Variants in A4GNT observed in about 807,000 individuals in gnomAD.
A4GNT encodes alpha-1,4-N-acetylglucosaminyltransferase.
A neutral mutation model predicts 8.3 loss-of-function variants in A4GNT; 6 were observed. The ratio of observed to expected loss-of-function variants is 0.72; its 90% CI spans 0.39 to 1.42. The LOEUF is 1.42. Ranked by LOEUF, A4GNT falls within the 40% of genes most tolerant of loss-of-function variation. The pLI is 0.02. For missense variants in A4GNT, 377 were observed against 417.0 expected, an observed-to-expected ratio of 0.90 and a Z score of 0.84; for synonymous variants, 157 against 159.8, an observed-to-expected ratio of 0.98 and a Z score of 0.13.
At chr3:138,125,164 AAAG>A (rs2042738192) in intron 2 of A4GNT, among the ~76,000 whole-genome samples, 1 of 152,244 alleles carries the variant, frequency 6.6e-6, no homozygotes, top group African/African-American at 2.4e-5. Context: ...TTGGAAAGAT[AAAG>A]AAGAAATCCA....
rs1287885622 is a variant in A4GNT, at chr3:138,132,193, C to T, written c.-27+19G>A. The T allele has an allele frequency of 6.6e-6, 1 of 152,198 alleles. No homozygotes were observed. The highest frequency in any genetic ancestry group is 1.9e-4 in the East Asian group (1 of 5,204). The allele number at this position is 152,198 out of a possible 1,614,324, so 9.4% of individuals were successfully genotyped here. A position where few individuals can be genotyped will look rare whatever the true frequency, so the allele number is the denominator to read the frequency against. On this transcript the variant is annotated intron_variant, in intron 1 of 2. Transcript: ENST00000236709. ...ACTTGCATCCACCTGCCACCAAAGT[C>T]CAGGCTCTGAACCGTTACCTGCAGT...
chr3:138,124,852 C>A lies in A4GNT; in HGVS notation c.435G>T (p.Trp145Cys). The A allele has an allele frequency of 6.2e-7, 1 of 1,612,562 alleles. No homozygotes were observed. The change falls in exon 3 of 3, where the codon TGG (tryptophan) becomes TGT (cysteine). Residue 145 changes from tryptophan to cysteine, a missense_variant. Transcript: ENST00000236709. ...GGGATGCATCCGAGCTGATGTGGAG[C>A]CAGTTTCTCTCTGCGCTGGCGTTGA... ...NQINASAERN[W>C]LHISSDASRL...
chr3:138,126,364 A>G (rs2042744535), intron 2 of A4GNT, among the ~76,000 whole-genome samples: 1 of 151,772 alleles, frequency 6.6e-6, no homozygotes, highest in Non-Finnish European at 1.5e-5. Flanking sequence ...AGAGAAATAG[A>G]AAGCAAAATG....
In A4GNT at chr3:138,124,761, T is replaced by C; in HGVS notation, c.526A>G (p.Ile176Val). ...GCAGCCAAAAAGTTCTCCTCAGGGA[T>C]GGGCCTGATGGAGATGACATCGGTG... ...MDTDVISIRPIPEENFLAAQA... is the reference protein window; with the variant it reads ...MDTDVISIRPVPEENFLAAQA... The change falls in exon 3 of 3, where the codon ATC becomes GTC. Residue 176 changes from isoleucine to valine, a missense_variant. By Grantham distance (29) the Ile-to-Val change is conservative. Transcript: ENST00000236709. 6.2e-7 allele frequency: 1 copy of C among 1,614,142 alleles called. No homozygotes were observed. Among genetic ancestry groups the C allele is most frequent in the Non-Finnish European group, 8.5e-7 (1 of 1,180,024 alleles).
At position 138,130,905 on chromosome 3, in the gene A4GNT, G is replaced by A. The variant is rs780612462; in HGVS notation, c.352C>T (p.Pro118Ser). 1 of 1,614,116 alleles carries A rather than the reference G, an allele frequency of 6.2e-7. No homozygotes were observed. The highest frequency in any genetic ancestry group is 8.5e-7 in the Non-Finnish European group (1 of 1,180,028). Residue 118 changes from proline (P) to serine (S), a missense_variant, in exon 2 of 3, where the codon CCT becomes TCT. By Grantham distance (74) the Pro-to-Ser change is moderately conservative (BLOSUM62 -1). Transcript: ENST00000236709. The stretch of plus-strand genomic sequence containing the variant: ...TCAAGCAGCCTTTTCATATCCAAAG[G>A]GAAGAGGAAAACGTTGTCTATTGCT... ...LSAIDNVFLF[P>S]LDMKRLLEDT...
chr3:138,132,639 C>T (rs2042784820), upstream of A4GNT, among the ~76,000 whole-genome samples: 2 of 152,174 alleles, frequency 1.3e-5, no homozygotes, highest in South Asian at 4.1e-4. Context: ...GATTATTTCA[C>T]CTGGAGAAAA....
chr3:138,124,670 T>C lies in A4GNT; in HGVS notation c.617A>G (p.Glu206Gly), dbSNP rs1383216751. The C allele has an allele frequency of 1.9e-6, 3 of 1,614,150 alleles. No homozygotes were observed. The highest frequency in any genetic ancestry group is 2.5e-6 in the Non-Finnish European group (3 of 1,180,022). The change falls in exon 3 of 3, where the codon GAA (glutamate) becomes GGA (glycine). Residue 206 changes from glutamate to glycine, a missense_variant. Coordinates refer to ENST00000236709, the MANE Select transcript of A4GNT (RefSeq NM_016161.3). ...GTGTTCAACAAAGTTTTCCATGCAT[T>C]CCCACAAAAAGGGGTGGTGGGGGAG... ...GFLPHHPFLW[E>G]CMENFVEHYN... is the part of the protein sequence containing the mutation.
intron 2 of A4GNT, among the ~76,000 whole-genome samples, chr3:138,128,883 A>G (rs2042760970): frequency 6.6e-6 from 1 of 151,526 alleles, no homozygotes; most frequent in Non-Finnish European, 1.5e-5. Context: ...TGAAAACTCA[A>G]TCCATGAACT....
upstream of A4GNT, among the ~76,000 whole-genome samples, chr3:138,132,844 C>G (rs1311242388): frequency 6.6e-6 from 1 of 152,220 alleles, no homozygotes; most frequent in Non-Finnish European, 1.5e-5. Context: ...GCCCAGTGAT[C>G]TAGAATGAGA....
intron 2 of A4GNT, among the ~76,000 whole-genome samples, chr3:138,128,480 G>A (rs1349222882): frequency 1.3e-5 from 2 of 151,680 alleles, no homozygotes; most frequent in Non-Finnish European, 2.9e-5. Flanking sequence ...GGGGGTGGGG[G>A]GGTAGGTGCC....
intron 2 of A4GNT, among the ~76,000 whole-genome samples, chr3:138,130,607 T>C (rs1191071398): frequency 3.3e-5 from 5 of 152,158 alleles, no homozygotes; most frequent in Non-Finnish European, 7.4e-5. Flanking sequence ...CAGTTAAGAA[T>C]AGTCTCCAAA....
Position 138,124,672 on chromosome 3 carries a change from C to G in A4GNT, c.615G>C (p.Trp205Cys), listed in dbSNP as rs776256364. The G allele has an allele frequency of 6.2e-7, 1 of 1,614,148 alleles. No individual in the cohort carries two copies. The highest frequency in any genetic ancestry group is 8.5e-7 in the Non-Finnish European group (1 of 1,180,040). The stretch of plus-strand genomic sequence containing the variant: ...GTTCAACAAAGTTTTCCATGCATTC[C>G]CACAAAAAGGGGTGGTGGGGGAGGA... ...FGFLPHHPFL[W>C]ECMENFVEHY... The change falls in exon 3 of 3, where the codon TGG (tryptophan) becomes TGC (cysteine). Residue 205 changes from tryptophan to cysteine, a missense_variant. Transcript: ENST00000236709.
chr3:138,124,807 T>C lies in A4GNT; in HGVS notation c.480A>G (p.Lys160=), dbSNP rs1227599240. 3.7e-6 allele frequency: 6 copies of C among 1,613,978 alleles called. No homozygotes were observed. In the African/African-American group the frequency reaches 8.0e-5, roughly 22 times the overall value. ...CGGTGTCCATGTAGATGCCACCGTA[T>C]TTCCAGATGATGGCCAGGCGGGATG... The part of the protein sequence containing the change: ...SDASRLAIIW[K]YGGIYMDTDV... The change falls in exon 3 of 3, where the codon AAA becomes AAG. Residue 160 remains lysine (K), a synonymous_variant. Coordinates refer to ENST00000236709, the MANE Select transcript of A4GNT (RefSeq NM_016161.3).
rs1376151645 is a variant in A4GNT, at chr3:138,131,286, TA to T, written c.-26-5del. Reference sequence around the variant, plus strand: ...TCTTCTCTGTGCCAGCCTGCTCCTTTAAATCAACACAATTAATTAAAAATCA... The same window carrying T: ...TCTTCTCTGTGCCAGCCTGCTCCTTTAATCAACACAATTAATTAAAAATCA... On this transcript the variant is annotated splice_region_variant and splice_polypyrimidine_tract_variant and intron_variant, in intron 1 of 2. Transcript: ENST00000236709. 6.8e-7 allele frequency: 1 copy of T among 1,470,736 alleles called. No individual in the cohort carries two copies. The highest frequency in any genetic ancestry group is 1.4e-5 in the African/African-American group (1 of 71,380). The allele number at this position is 1,470,736 out of a possible 1,614,324, so 91.1% of individuals were successfully genotyped here. A position where few individuals can be genotyped will look rare whatever the true frequency, so the allele number is the denominator to read the frequency against.
Position 138,124,432 on chromosome 3 carries a change from A to C in A4GNT, c.855T>G (p.Tyr285Ter). Residue 285 changes from tyrosine to a stop codon, truncating the protein, a stop_gained, in exon 3 of 3, where the codon TAT becomes TAG. Coordinates refer to ENST00000236709, the MANE Select transcript of A4GNT (RefSeq NM_016161.3). LOFTEE classifies it low-confidence loss of function (END_TRUNC). ...WDTEPSFNVS[Y>*]ALHLWNHMNQ... Reference sequence around the variant, plus strand: ...TCATGTGGTTCCACAAATGCAGGGCATAAGAGACATTGAAGCTTGGCTCTG... The same window carrying C: ...TCATGTGGTTCCACAAATGCAGGGCCTAAGAGACATTGAAGCTTGGCTCTG... The C allele has an allele frequency of 6.2e-7, 1 of 1,614,226 alleles. No individual in the cohort carries two copies. The highest frequency in any genetic ancestry group is 8.5e-7 in the Non-Finnish European group (1 of 1,180,046).
At chr3:138,131,411 T>A in intron 1 of A4GNT, 129 bp from the exon 2 acceptor site, 23 of 770,000 alleles carry the variant, frequency 3.0e-5, no homozygotes, top group South Asian at 4.0e-5. Flanking sequence ...TATGATGAAA[T>A]CAAGTCCAGC....
chr3:138,133,032 C>T (rs73867017), upstream of A4GNT, among the ~76,000 whole-genome samples: 1,127 of 152,300 alleles, frequency 7.4e-3, 16 homozygotes, highest in African/African-American at 0.025. Context: ...TATTCTCCAC[C>T]GCCCCTGAAA....
intron 2 of A4GNT, among the ~76,000 whole-genome samples, chr3:138,130,105 T>C (rs1408276735): frequency 1.3e-5 from 2 of 151,912 alleles, no homozygotes; most frequent in African/African-American, 2.4e-5. Context: ...TTTCAATAGA[T>C]GTGTGTGGGT....
intron 2 of A4GNT, among the ~76,000 whole-genome samples, chr3:138,129,599 G>A (rs557629182): frequency 2.1e-4 from 32 of 152,280 alleles, no homozygotes; most frequent in Non-Finnish European, 3.7e-4. Context: ...CACCAGGTTG[G>A]TGGTAATTTG....
Sources: gnomAD v4.1 joint callset for allele counts (sites outside exome capture counted in the v4.1 genomes callset) on GRCh38, gnomAD v4.1.1 for gene constraint, MANE v1.5 for transcripts, NCBI Gene and HGNC (gene_info 2026-07-23, HGNC 2026-07-21) for gene names.